The following RABGAP1L variants were observed in gnomAD, a reference collection of about 807,000 sequenced individuals.
RABGAP1L encodes the protein RAB GTPase activating protein 1 like, also known as rab GTPase-activating protein 1-like.
A neutral mutation model predicts 137.7 loss-of-function variants in RABGAP1L; 63 were observed. That is an observed-to-expected ratio of 0.46 (90% CI 0.37 to 0.56). The LOEUF (loss-of-function observed/expected upper bound fraction) is 0.56. Ranked by LOEUF, RABGAP1L falls within the 20% of genes least tolerant of loss-of-function variation. The pLI is 0.00. For missense variants in RABGAP1L, 1,095 were observed against 1,244.0 expected, an observed-to-expected ratio of 0.88 and a Z score of 1.80; for synonymous variants, 431 against 433.7, an observed-to-expected ratio of 0.99 and a Z score of 0.08.
intron 19 of RABGAP1L, chr1:174,877,707 G>A: frequency 8.4e-7 from 1 of 1,192,546 alleles, no homozygotes; most frequent in East Asian, 2.4e-5. Flanking sequence ...TTGGCTTTGT[G>A]TTATGTCTAC....
intron 13 of RABGAP1L, among the ~76,000 whole-genome samples, chr1:174,596,413 C>G (rs999463528): frequency 6.6e-6 from 1 of 152,200 alleles, no homozygotes; most frequent in African/African-American, 2.4e-5. Context: ...TTTTGTAGTT[C>G]TTATTGTACA....
chr1:174,164,041 G>A (rs1557992746), intron 1 of RABGAP1L, among the ~76,000 whole-genome samples: 1 of 152,100 alleles, frequency 6.6e-6, no homozygotes, highest in Non-Finnish European at 1.5e-5. Context: ...GGGAACATGA[G>A]CACAAATACT....
intron 19 of RABGAP1L, chr1:174,874,440 A>T (rs866922941): frequency 2.0e-6 from 2 of 984,730 alleles, no homozygotes; most frequent in African/African-American, 3.5e-5. Flanking sequence ...GCTTGAACTG[A>T]GGACCATCTA....
intron 3 of RABGAP1L, among the ~76,000 whole-genome samples, chr1:174,226,446 G>A (rs576094884): frequency 9.2e-5 from 14 of 152,262 alleles, no homozygotes; most frequent in Non-Finnish European, 1.3e-4. Flanking sequence ...ATATTCTGTC[G>A]AAAGTTTTCA....
chr1:174,605,784 A>G (rs1479462077), intron 13 of RABGAP1L, among the ~76,000 whole-genome samples: 1 of 152,214 alleles, frequency 6.6e-6, no homozygotes, highest in Non-Finnish European at 1.5e-5. Context: ...TGTTCTTGCA[A>G]ATTGATATGG....
chr1:174,163,700 C>T (rs548521829), intron 1 of RABGAP1L, among the ~76,000 whole-genome samples: 1 of 150,576 alleles, frequency 6.6e-6, no homozygotes, highest in Non-Finnish European at 1.5e-5. Flanking sequence ...AGACATAGTA[C>T]AGCCAAAAAT....
intron 19 of RABGAP1L, among the ~76,000 whole-genome samples, chr1:174,936,075 G>T (rs1487863782): frequency 1.3e-5 from 2 of 151,400 alleles, no homozygotes; most frequent in East Asian, 3.9e-4. Flanking sequence ...TTGTTTCTGG[G>T]TAGAAAATAT....
chr1:174,182,425 G>A (rs1424346811), intron 1 of RABGAP1L, among the ~76,000 whole-genome samples: 3 of 152,158 alleles, frequency 2.0e-5, no homozygotes, highest in Non-Finnish European at 4.4e-5. Context: ...CCTAGAAGAC[G>A]AAATTGAGAT....
chr1:174,728,275 G>A (rs1057391205), intron 17 of RABGAP1L, among the ~76,000 whole-genome samples: 8 of 152,016 alleles, frequency 5.3e-5, no homozygotes, highest in Non-Finnish European at 1.0e-4. Flanking sequence ...CTTCAGTAAC[G>A]TTTCAGGTTA....
At chr1:174,184,032 A>G (rs12075630) in intron 1 of RABGAP1L, among the ~76,000 whole-genome samples, 44,489 of 151,384 alleles carry the variant, frequency 0.29, 6,937 homozygotes, top group African/African-American at 0.37. Context: ...TGCCCGGCTA[A>G]TTTTTTGTTT....
chr1:174,570,615 A>T (rs1572359365), intron 13 of RABGAP1L, among the ~76,000 whole-genome samples: 1 of 152,270 alleles, frequency 6.6e-6, no homozygotes, highest in African/African-American at 2.4e-5. Context: ...CAATCTCAGC[A>T]TTGTGCAATA....
chr1:174,446,474 A>G (rs1180607040), intron 13 of RABGAP1L, among the ~76,000 whole-genome samples: 1 of 152,226 alleles, frequency 6.6e-6, no homozygotes, highest in East Asian at 1.9e-4. Flanking sequence ...AGATAGGATA[A>G]CAAAGAATGA....
intron 19 of RABGAP1L, among the ~76,000 whole-genome samples, chr1:174,927,069 T>G (rs2149249130): frequency 6.7e-6 from 1 of 149,712 alleles, no homozygotes; most frequent in South Asian, 2.1e-4. Flanking sequence ...TAAGACTCCG[T>G]CTCAAAAAAA....
chr1:174,968,244 TTGTC>T (rs911739825), intron 20 of RABGAP1L, among the ~76,000 whole-genome samples: 4 of 152,234 alleles, frequency 2.6e-5, no homozygotes, highest in African/African-American at 9.6e-5. Context: ...TGTCACTGCT[TTGTC>T]TGAGTTTTTG....
At chr1:174,831,242 G>A (rs1692084089) in intron 19 of RABGAP1L, among the ~76,000 whole-genome samples, 1 of 148,086 alleles carries the variant, frequency 6.8e-6, no homozygotes, top group South Asian at 2.2e-4. Context: ...AATAGCACTT[G>A]AGAATATTGC....
At chr1:174,933,102 A>G (rs979438348) in intron 19 of RABGAP1L, among the ~76,000 whole-genome samples, 37 of 152,172 alleles carry the variant, frequency 2.4e-4, no homozygotes, top group African/African-American at 8.7e-4. Context: ...ATGCATACAT[A>G]CATACATACA....
At chr1:174,407,063 C>T (rs1649363340) in intron 13 of RABGAP1L, among the ~76,000 whole-genome samples, 1 of 151,978 alleles carries the variant, frequency 6.6e-6, no homozygotes, top group Non-Finnish European at 1.5e-5. Context: ...TTTGCTTTGT[C>T]TTTGATTTAC....
At chr1:174,444,751 A>G (rs577469020) in intron 13 of RABGAP1L, among the ~76,000 whole-genome samples, 6 of 152,140 alleles carry the variant, frequency 3.9e-5, no homozygotes, top group South Asian at 2.1e-4. Flanking sequence ...CAAGTCTCCA[A>G]TGATCCTTTG....
chr1:174,571,565 G>A (rs1003811493), intron 13 of RABGAP1L, among the ~76,000 whole-genome samples: 10 of 151,734 alleles, frequency 6.6e-5, no homozygotes, highest in East Asian at 1.9e-4. Flanking sequence ...GTGTACCCAC[G>A]AAATTAAAAA....
Sources: allele counts gnomAD v4.1 joint callset (sites outside exome capture counted in the v4.1 genomes callset), GRCh38; gene constraint gnomAD v4.1.1; transcripts MANE v1.5; gene names NCBI Gene and HGNC (gene_info 2026-07-23, HGNC 2026-07-21).